HABP2: variants seen among roughly 807,000 people sequenced by gnomAD.
HABP2 encodes the protein hyaluronan binding protein 2.
HABP2 carries 65 observed loss-of-function variants against 66.5 expected under a neutral mutation model. That is an observed-to-expected ratio of 0.98 (90% CI 0.80 to 1.20). HABP2 has a LOEUF of 1.20. Ranked by LOEUF, HABP2 falls within the 50% of genes most tolerant of loss-of-function variation. The pLI is 0.00. For synonymous variants in HABP2, 263 were observed against 253.9 expected (o/e 1.04, Z -0.34); for missense variants, 786 against 691.0 (o/e 1.14, Z -1.54).
Position 113,571,053 on chromosome 10 carries a change from T to G in HABP2, c.107-3236T>G, listed in dbSNP as rs530432030. Among the ~76,000 whole-genome samples, 16 of 152,350 alleles carry G rather than the reference T, an allele frequency of 1.1e-4. No individual in the cohort carries two copies. The South Asian group carries it at 2.3e-3, about 22-fold the overall frequency. On this transcript the variant is annotated intron_variant, in intron 2 of 12. Transcript: ENST00000351270. Reference sequence around the variant, plus strand: ...TTCTTATCCCATTAGCAATCTAATATCAATCAAGCCCTGTGTGTCGGTTTG... The same window carrying G: ...TTCTTATCCCATTAGCAATCTAATAGCAATCAAGCCCTGTGTGTCGGTTTG...
At chr10:113,554,941 C>T (rs1183435936) in intron 1 of HABP2, among the ~76,000 whole-genome samples, 1 of 152,180 alleles carries the variant, frequency 6.6e-6, no homozygotes, top group Non-Finnish European at 1.5e-5. Context: ...CAGATGTGTG[C>T]CAGACAGGTG....
At chr10:113,579,083 C>A (rs533478461) in intron 7 of HABP2, among the ~76,000 whole-genome samples, 63 of 148,504 alleles carry the variant, frequency 4.2e-4, no homozygotes, top group African/African-American at 1.4e-3. Context: ...ATGGCAAAAC[C>A]CCGTCTCTAC....
intron 3 of HABP2, among the ~76,000 whole-genome samples, chr10:113,574,649 AG>A (rs999743348): frequency 5.9e-5 from 9 of 152,180 alleles, no homozygotes; most frequent in African/African-American, 1.7e-4. Flanking sequence ...CTAAGAGAGG[AG>A]CTGACTTGGC....
intron 1 of HABP2, among the ~76,000 whole-genome samples, chr10:113,560,060 T>C (rs1361753703): frequency 6.6e-6 from 1 of 152,224 alleles, no homozygotes; most frequent in Non-Finnish European, 1.5e-5. Flanking sequence ...GGCTCATCAC[T>C]GTGGTCTGGT....
chr10:113,574,801 C>A (rs1845379080), intron 3 of HABP2, among the ~76,000 whole-genome samples: 1 of 152,196 alleles, frequency 6.6e-6, no homozygotes, highest in Non-Finnish European at 1.5e-5. Flanking sequence ...CCTTGAGTAC[C>A]AGACTGTAGC....
chr10:113,576,750 A>T (rs1329573920), intron 4 of HABP2, among the ~76,000 whole-genome samples: 1 of 151,976 alleles, frequency 6.6e-6, no homozygotes, highest in African/African-American at 2.4e-5. Flanking sequence ...TCTTCAGTAA[A>T]TTTTTCAGGA....
intron 1 of HABP2, among the ~76,000 whole-genome samples, chr10:113,564,343 A>T (rs569235681): frequency 3.1e-4 from 47 of 152,222 alleles, no homozygotes; most frequent in African/African-American, 1.1e-3. Flanking sequence ...CAGCCAAACC[A>T]TATTAGGGTC....
At chr10:113,578,908 A>G in intron 7 of HABP2, 110 bp downstream of exon 7, 1 of 743,222 alleles carries the variant, frequency 1.3e-6, no homozygotes, top group Non-Finnish European at 2.4e-6. Flanking sequence ...CAGCAAGGCA[A>G]TGTTATGCTG....
rs1292756591 is a variant in HABP2 at position 113,587,907 on chromosome 10, G to GC, written c.1519-293dup. 3.3e-5 allele frequency among the ~76,000 whole-genome samples: 5 copies of GC among 152,118 alleles called. 1 individual carries two copies. In the South Asian group the frequency reaches 1.0e-3, roughly 32 times the overall value. On this transcript the variant is annotated intron_variant, in intron 12 of 12. Coordinates refer to ENST00000351270, the MANE Select transcript of HABP2 (RefSeq NM_004132.5). Reference sequence around the variant, plus strand: ...ACCTCCTCCCCTATGTGTGCTGAGGGCCCCCGAGAACTCACAGTCATAACA... The same window carrying GC: ...ACCTCCTCCCCTATGTGTGCTGAGGGCCCCCCGAGAACTCACAGTCATAACA...
intron 1 of HABP2, 114 bp downstream of exon 1, chr10:113,553,304 T>G (rs910896016): frequency 1.3e-6 from 1 of 788,424 alleles, no homozygotes; most frequent in Non-Finnish European, 2.2e-6. Context: ...GTTGCCAAGT[T>G]GGAGATGTTC....
In HABP2 at chr10:113,567,630, A is replaced by G. The variant is rs1008672054; in HGVS notation, c.106+105A>G. 3.6e-6 allele frequency: 3 copies of G among 838,416 alleles called. No homozygotes were observed. The African/African-American group carries it at 5.0e-5, about 14-fold the overall frequency. The allele number at this position is 838,416 out of a possible 1,614,324, so 51.9% of individuals were successfully genotyped here. A position where few individuals can be genotyped will look rare whatever the true frequency, so the allele number is the denominator to read the frequency against. ...AAGTGTTGGAGGGACCTCAGGGTTC[A>G]ACTGGTTCCAGGTTGTCACAGGCAC... On this transcript the variant is annotated intron_variant, in intron 2 of 12. Coordinates refer to ENST00000351270, the MANE Select transcript of HABP2 (RefSeq NM_004132.5).
rs1034358836 is a variant in HABP2, at chr10:113,589,097, ACCC to A, written c.*730_*732del. On this transcript the variant is annotated 3_prime_UTR_variant, in exon 13 of 13. Coordinates refer to ENST00000351270, the MANE Select transcript of HABP2 (RefSeq NM_004132.5). ...GCCCCCCGCTGCTGAAATCAAACAT[ACCC>A]CAAGTTAAAATGAAGCTCCCCCACC... The A allele has an allele frequency of 2.5e-6, 4 of 1,606,114 alleles. No homozygotes were observed. The Admixed American group carries it at 5.0e-5, about 20-fold the overall frequency.
chr10:113,568,667 C>T (rs926697050), intron 2 of HABP2, among the ~76,000 whole-genome samples: 1 of 152,172 alleles, frequency 6.6e-6, no homozygotes, highest in Admixed American at 6.5e-5. Flanking sequence ...CACACCACCA[C>T]CCACACGTGG....
intron 11 of HABP2, among the ~76,000 whole-genome samples, chr10:113,585,391 G>A (rs1845615090): frequency 6.6e-6 from 1 of 152,178 alleles, no homozygotes; most frequent in Non-Finnish European, 1.5e-5. Flanking sequence ...CTTTACAGGG[G>A]AAAATGCCTG....
intron 11 of HABP2, 23 bp from the exon 12 acceptor site, chr10:113,585,770 T>C (rs1052719526): frequency 1.2e-6 from 2 of 1,608,644 alleles, no homozygotes; most frequent in Non-Finnish European, 1.7e-6. Context: ...GTAGTGACTC[T>C]TTTCTCTGCA....
chr10:113,582,766 C>T (rs1845564540), intron 9 of HABP2, among the ~76,000 whole-genome samples: 1 of 152,188 alleles, frequency 6.6e-6, no homozygotes, highest in African/African-American at 2.4e-5. Context: ...CTCTTCTGAG[C>T]TCCCTGTGCT....
At chr10:113,566,471 ATTAT>A (rs1199740355) in intron 1 of HABP2, among the ~76,000 whole-genome samples, 5 of 152,238 alleles carry the variant, frequency 3.3e-5, no homozygotes, top group African/African-American at 1.2e-4. Context: ...TATTTATGTC[ATTAT>A]TTATTTATTC....
At chr10:113,567,429 G>C in intron 1 of HABP2, 60 bp from the exon 2 acceptor site, 1 of 1,322,766 alleles carries the variant, frequency 7.6e-7, no homozygotes, top group African/African-American at 1.4e-5. Context: ...TGACAGCTAA[G>C]GAGCACGCCC....
intron 1 of HABP2, among the ~76,000 whole-genome samples, chr10:113,561,527 C>A (rs1845099999): frequency 6.6e-6 from 1 of 152,148 alleles, no homozygotes; most frequent in Admixed American, 6.5e-5. Context: ...ACGCACCTCC[C>A]TGGTGGTTGG....
Sources: allele counts gnomAD v4.1 joint callset (sites outside exome capture counted in the v4.1 genomes callset), GRCh38; gene constraint gnomAD v4.1.1; transcripts MANE v1.5; gene names NCBI Gene and HGNC (gene_info 2026-07-23, HGNC 2026-07-21).